The following CACNA2D3 variants were observed in gnomAD, a reference collection of about 807,000 sequenced individuals.
CACNA2D3 encodes voltage-dependent calcium channel subunit alpha-2/delta-3.
A neutral mutation model predicts 160.6 loss-of-function variants in CACNA2D3; 60 were observed. The observed-to-expected ratio is 0.37, with a 90% CI of 0.30 to 0.46. CACNA2D3 has a LOEUF of 0.46. Among genes scored for constraint, CACNA2D3 ranks in the 20% least tolerant of loss-of-function variants. The pLI is 1.00. For synonymous variants in CACNA2D3, 558 were observed against 492.9 expected, an observed-to-expected ratio of 1.13 and a Z score of -1.75; for missense variants, 1,205 against 1,365.0, an observed-to-expected ratio of 0.88 and a Z score of 1.85.
At chr3:54,842,348 G>C (rs570344593) in intron 16 of CACNA2D3, among the ~76,000 whole-genome samples, 75 of 152,300 alleles carry the variant, frequency 4.9e-4, no homozygotes, top group African/African-American at 1.8e-3. Flanking sequence ...TTTTCAGCTT[G>C]TTTTTAATAT....
At chr3:54,588,418 AT>A (rs1702801912) in intron 9 of CACNA2D3, among the ~76,000 whole-genome samples, 1 of 152,222 alleles carries the variant, frequency 6.6e-6, no homozygotes, top group African/African-American at 2.4e-5. Flanking sequence ...ACAGGTAAGG[AT>A]GTCCACACTG....
At chr3:54,881,746 G>A (rs893235393) in intron 21 of CACNA2D3, among the ~76,000 whole-genome samples, 1 of 152,190 alleles carries the variant, frequency 6.6e-6, no homozygotes, top group African/African-American at 2.4e-5. Context: ...AGCCAGGAAT[G>A]GGAAGGTCAA....
chr3:54,695,781 T>C (rs1218361004), intron 11 of CACNA2D3, among the ~76,000 whole-genome samples: 2 of 152,228 alleles, frequency 1.3e-5, no homozygotes, highest in East Asian at 3.8e-4. Context: ...TCCTTCTCCT[T>C]ATTGATTTGC....
chr3:54,308,741 G>A (rs984352468), intron 2 of CACNA2D3, among the ~76,000 whole-genome samples: 1 of 152,118 alleles, frequency 6.6e-6, no homozygotes, highest in Admixed American at 6.5e-5. Flanking sequence ...GGGGGAAATA[G>A]TATCTCCCTG....
intron 27 of CACNA2D3, among the ~76,000 whole-genome samples, chr3:54,959,861 G>A (rs1481009229): frequency 6.6e-6 from 1 of 152,162 alleles, no homozygotes; most frequent in Non-Finnish European, 1.5e-5. Flanking sequence ...GCCTGGGAAA[G>A]CTGAGGGAAT....
chr3:54,301,266 A>AAC (rs147508975), intron 2 of CACNA2D3, among the ~76,000 whole-genome samples: 1 of 150,352 alleles, frequency 6.7e-6, no homozygotes, highest in Non-Finnish European at 1.5e-5. Context: ...CAAAACAAAC[A>AAC]AACAACAACA....
chr3:54,620,521 A>G (rs1698961378), intron 9 of CACNA2D3, among the ~76,000 whole-genome samples: 1 of 152,164 alleles, frequency 6.6e-6, no homozygotes, highest in South Asian at 2.1e-4. Context: ...TCACGTACAA[A>G]TCACAGATTC....
intron 2 of CACNA2D3, among the ~76,000 whole-genome samples, chr3:54,298,073 G>A (rs1276649096): frequency 2.6e-5 from 4 of 152,236 alleles, no homozygotes; most frequent in Admixed American, 6.5e-5. Flanking sequence ...ATGAATGAGC[G>A]TAAGCCAAAG....
chr3:54,189,238 CAT>C (rs2107333921), intron 2 of CACNA2D3, among the ~76,000 whole-genome samples: 1 of 152,240 alleles, frequency 6.6e-6, no homozygotes, highest in South Asian at 2.1e-4. Context: ...TGTGGGGAGT[CAT>C]ATTTGCTTGG....
chr3:54,835,563 T>C (rs139425766), intron 14 of CACNA2D3, among the ~76,000 whole-genome samples: 1,758 of 152,304 alleles, frequency 0.012, 38 homozygotes, highest in African/African-American at 0.04. Flanking sequence ...TTCAAACGCT[T>C]AGATTTTAGG....
At chr3:54,837,105 A>G in intron 14 of CACNA2D3, 54 bp from the exon 15 acceptor site, 1 of 1,513,918 alleles carries the variant, frequency 6.6e-7, no homozygotes, top group South Asian at 1.1e-5. Flanking sequence ...GGTGGCCTCC[A>G]GAACTGTGGT....
At chr3:54,248,611 G>T (rs1702127871) in intron 2 of CACNA2D3, among the ~76,000 whole-genome samples, 1 of 152,160 alleles carries the variant, frequency 6.6e-6, no homozygotes, top group African/African-American at 2.4e-5. Flanking sequence ...AAAAGACCAT[G>T]TGAGGACACA....
At chr3:54,220,599 G>T (rs1701549377) in intron 2 of CACNA2D3, among the ~76,000 whole-genome samples, 1 of 152,118 alleles carries the variant, frequency 6.6e-6, no homozygotes, top group African/African-American at 2.4e-5. Context: ...GCAGCCTGGA[G>T]CCTCAGCACC....
chr3:54,202,314 C>G (rs1280954181), intron 2 of CACNA2D3, among the ~76,000 whole-genome samples: 3 of 152,218 alleles, frequency 2.0e-5, no homozygotes, highest in African/African-American at 4.8e-5. Context: ...AAATGTGGGG[C>G]ACCTCTGTGT....
intron 4 of CACNA2D3, among the ~76,000 whole-genome samples, chr3:54,450,796 T>C (rs1700293010): frequency 6.6e-6 from 1 of 152,150 alleles, no homozygotes; most frequent in East Asian, 1.9e-4. Context: ...TCTCATGTAA[T>C]TATAATCAAC....
chr3:54,571,231 T>C (rs1276089142), intron 8 of CACNA2D3, among the ~76,000 whole-genome samples: 1 of 152,124 alleles, frequency 6.6e-6, no homozygotes, highest in Non-Finnish European at 1.5e-5. Context: ...AGTTCTTATT[T>C]GTAGAGGAAG....
chr3:54,644,214 C>G (rs1699587771), intron 11 of CACNA2D3, among the ~76,000 whole-genome samples: 1 of 152,070 alleles, frequency 6.6e-6, no homozygotes, highest in Non-Finnish European at 1.5e-5. Flanking sequence ...CATTTTAGGC[C>G]AGATGCGTTC....
At chr3:54,816,980 C>A in intron 14 of CACNA2D3, 110 bp downstream of exon 14, 1 of 1,303,730 alleles carries the variant, frequency 7.7e-7, no homozygotes. Context: ...TGGTTTTTTT[C>A]CACAGCTTCA....
At chr3:54,987,822 C>T in intron 31 of CACNA2D3, 69 bp downstream of exon 31, 1 of 1,141,348 alleles carries the variant, frequency 8.8e-7, no homozygotes, top group South Asian at 1.6e-5. Flanking sequence ...AAGCCAAGGT[C>T]AAATAAAGCA....
Sources: gnomAD v4.1 joint callset for allele counts (sites outside exome capture counted in the v4.1 genomes callset) on GRCh38, gnomAD v4.1.1 for gene constraint, MANE v1.5 for transcripts, NCBI Gene and HGNC (gene_info 2026-07-23, HGNC 2026-07-21) for gene names.